The following SRSF7 variants were observed in gnomAD, a reference collection of about 807,000 sequenced individuals.
SRSF7 encodes serine/arginine-rich splicing factor 7.
In SRSF7, 15 loss-of-function variants were observed where a neutral mutation model predicts 42.2. The ratio of observed to expected loss-of-function variants is 0.36; its 90% CI spans 0.24 to 0.55. The LOEUF (loss-of-function observed/expected upper bound fraction) is 0.55, where lower values mean the gene tolerates loss of function less well. SRSF7 is among the 20% of genes least tolerant of loss of function. SRSF7 has a pLI of 0.88. For missense variants in SRSF7, 181 were observed against 305.9 expected, an observed-to-expected ratio of 0.59 and a Z score of 3.04; for synonymous variants, 138 against 107.9, an observed-to-expected ratio of 1.28 and a Z score of -1.73.
chr2:38,747,975 A>T, intron 5 of SRSF7, 72 bp downstream of exon 5: 1 of 1,056,758 alleles, frequency 9.5e-7, no homozygotes, highest in Non-Finnish European at 1.4e-6. Flanking sequence ...CATTTGAATT[A>T]TGTCCTTAAG....
At chr2:38,746,290 C>T (rs1473403591) in intron 6 of SRSF7, 111 bp from the exon 7 acceptor site, 14 of 1,220,016 alleles carry the variant, frequency 1.1e-5, no homozygotes, top group Non-Finnish European at 1.7e-5. Context: ...TGTCAGACTG[C>T]ACTTAAACTG....
At chr2:38,751,477 G>T (rs1382318904), upstream of SRSF7, 5 of 592,898 alleles carry the variant, frequency 8.4e-6, no homozygotes, top group South Asian at 9.6e-5. Context: ...AAACGACGCG[G>T]AAGGAACTGA....
intron 3 of SRSF7, chr2:38,749,095 C>G: frequency 1.5e-6 from 2 of 1,314,384 alleles, no homozygotes; most frequent in Non-Finnish European, 2.0e-6. Flanking sequence ...ATCTGGTGTT[C>G]CTCTTTCTAA....
Position 38,748,103 on chromosome 2 carries a change from T to C in SRSF7, c.516A>G (p.Arg172=). The C allele has an allele frequency of 6.2e-7, 1 of 1,614,014 alleles. No individual in the cohort carries two copies. The highest frequency in any genetic ancestry group is 1.1e-5 in the South Asian group (1 of 91,078). The change falls in exon 5 of 8, where the codon AGA becomes AGG. Residue 172 remains arginine, a synonymous_variant. Coordinates refer to ENST00000313117, the MANE Select transcript of SRSF7 (RefSeq NM_001031684.3). ...RSRSISLRRS[R]SASLRRSRSG... ...ACCTAGATCTTCTGAGTGAAGCTGA[T>C]CTTGATCTACGAAGAGAGATAGATC... is the stretch of plus-strand genomic sequence containing the variant.
upstream of SRSF7, chr2:38,751,367 A>G (rs1668349886): frequency 6.8e-7 from 1 of 1,480,542 alleles, no homozygotes; most frequent in Non-Finnish European, 9.4e-7. Context: ...ACTACGAGGA[A>G]GAGCCCGGGT....
chr2:38,750,154 G>A lies in SRSF7; in HGVS notation c.69C>T (p.Gly23=). 6.2e-7 allele frequency: 1 copy of A among 1,611,590 alleles called. No homozygotes were observed. Among genetic ancestry groups the A allele is most frequent in the Non-Finnish European group, 8.5e-7 (1 of 1,179,026 alleles). ...TGAAAGCCCTTTCTAACTCTCCTTT[G>A]CCAGCGCCAGTTCCCAGGTTACCAA... is the stretch of plus-strand genomic sequence containing the variant. The part of the protein sequence containing the change: ...VYVGNLGTGA[G]KGELERAFSY... The change falls in exon 2 of 8, where the codon GGC becomes GGT. Residue 23 remains glycine, a synonymous_variant. Transcript: ENST00000313117.
upstream of SRSF7, chr2:38,751,362 G>C: frequency 2.7e-6 from 4 of 1,507,116 alleles, no homozygotes; most frequent in South Asian, 2.3e-5. Flanking sequence ...GCGGCACTAC[G>C]AGGAAGAGCC....
chr2:38,747,110 C>A (rs1157855399), intron 5 of SRSF7: 5 of 481,082 alleles, frequency 1.0e-5, no homozygotes, highest in Non-Finnish European at 1.7e-5. Context: ...TACACAATGG[C>A]AGTCCCAGCT....
chr2:38,745,019 C>T lies in SRSF7; in HGVS notation c.*114G>A. ...GTGAATTTACATAGTAATCCAGATC[C>T]ATTTTGATTAGATGGTTGAATTATC... On this transcript the variant is annotated 3_prime_UTR_variant, in exon 8 of 8. Transcript: ENST00000313117. 1 of 1,016,960 alleles carries T rather than the reference C, an allele frequency of 9.8e-7. No individual in the cohort carries two copies. The highest frequency in any genetic ancestry group is 1.7e-5 in the South Asian group (1 of 59,234). 63.0% of individuals were successfully genotyped at this position (1,016,960 alleles called of 1,614,324 possible).
chr2:38,746,928 A>G, intron 5 of SRSF7, 181 bp from the exon 6 acceptor site: 1 of 1,002,970 alleles, frequency 1.0e-6, no homozygotes, highest in Non-Finnish European at 1.5e-6. Flanking sequence ...AGGAACCCCC[A>G]TTTCAATTAC....
At position 38,746,130 on chromosome 2, in the gene SRSF7, A is replaced by G; in HGVS notation, c.662+14T>C. The G allele has an allele frequency of 6.2e-7, 1 of 1,614,138 alleles. No individual in the cohort carries two copies. The highest frequency in any genetic ancestry group is 2.2e-5 in the East Asian group (1 of 44,870). On this transcript the variant is annotated intron_variant, in intron 7 of 7. Coordinates refer to ENST00000313117, the MANE Select transcript of SRSF7 (RefSeq NM_001031684.3). ...CTTGACAGGCAAGATTTGGCAACAA[A>G]ACATTTAGCTTACCTTCTTTTTGGA...
chr2:38,744,860 TAAG>T lies in SRSF7; in HGVS notation c.*270_*272del. ...TGTCTGACTCTCAAATATATCAAATTAAGAAGTGTTAATATTGAACACAAATCA... is the reference window on the plus strand; with the variant it reads ...TGTCTGACTCTCAAATATATCAAATTAAGTGTTAATATTGAACACAAATCA... On this transcript the variant is annotated 3_prime_UTR_variant, in exon 8 of 8. Coordinates refer to ENST00000313117, the MANE Select transcript of SRSF7 (RefSeq NM_001031684.3). 2 of 377,486 alleles carry T rather than the reference TAAG, an allele frequency of 5.3e-6. No homozygotes were observed. 23.4% of individuals were successfully genotyped at this position (377,486 alleles called of 1,614,324 possible).
chr2:38,749,756 TTA>T, intron 2 of SRSF7, 51 bp from the exon 3 acceptor site: 1 of 1,463,622 alleles, frequency 6.8e-7, no homozygotes, highest in South Asian at 1.5e-5. Flanking sequence ...TATTCAGGAC[TTA>T]TAGATTTAAA....
At chr2:38,746,496 T>A (rs968083025) in intron 6 of SRSF7, among the ~76,000 whole-genome samples, 198 bp downstream of exon 6, 1 of 152,232 alleles carries the variant, frequency 6.6e-6, no homozygotes, top group African/African-American at 2.4e-5. Flanking sequence ...TAAGCTTCTT[T>A]CTCACTATAG....
chr2:38,746,046 T>C (rs1268401167), intron 7 of SRSF7, 98 bp downstream of exon 7: 4 of 1,267,198 alleles, frequency 3.2e-6, no homozygotes, highest in Non-Finnish European at 4.6e-6. Context: ...ATAGCACCAA[T>C]TCTCCAAAGA....
chr2:38,748,190 GT>G (rs374060715), intron 4 of SRSF7, 33 bp from the exon 5 acceptor site: 72,878 of 1,254,406 alleles, frequency 0.058, 3 homozygotes, highest in Non-Finnish European at 0.06. Context: ...CATCTCCACA[GT>G]TTTTTTTTTT....
At chr2:38,746,320 TTGC>T in intron 6 of SRSF7, 141 bp from the exon 7 acceptor site, 1 of 975,684 alleles carries the variant, frequency 1.0e-6, no homozygotes, top group South Asian at 1.5e-5. Context: ...CTACCAGTTG[TTGC>T]TAACAAAAGC....
chr2:38,751,176 G>A lies in SRSF7; in HGVS notation c.28+53C>T, dbSNP rs1668295929. 4.3e-6 allele frequency: 7 copies of A among 1,609,446 alleles called. No individual in the cohort carries two copies. The highest frequency in any genetic ancestry group is 1.7e-5 in the Admixed American group (1 of 59,986). On this transcript the variant is annotated intron_variant, in intron 1 of 7. Transcript: ENST00000313117. ...ACCTCCGCGACAACCCTACGGCCTC[G>A]CAGTGCTCACTACACCCACACCAAC...
chr2:38,751,061 G>T (rs1668272411), intron 1 of SRSF7, 168 bp downstream of exon 1: 3 of 794,472 alleles, frequency 3.8e-6, no homozygotes, highest in Non-Finnish European at 4.2e-6. Context: ...CCGCCATCCC[G>T]TCTCCCTTCA....
Sources: allele counts gnomAD v4.1 joint callset (sites outside exome capture counted in the v4.1 genomes callset), GRCh38; gene constraint gnomAD v4.1.1; transcripts MANE v1.5; gene names NCBI Gene and HGNC (gene_info 2026-07-23, HGNC 2026-07-21).